Variants in GABRA5 observed in about 807,000 individuals in gnomAD.
GABRA5 encodes gamma-aminobutyric acid receptor subunit alpha-5.
Under a neutral mutation model 47.3 loss-of-function variants are expected in GABRA5, and 18 were observed. The ratio of observed to expected loss-of-function variants is 0.38; its 90% CI spans 0.26 to 0.56. GABRA5 has a LOEUF of 0.56. GABRA5 is among the 20% of genes least tolerant of loss of function. The pLI is 0.71. For synonymous variants in GABRA5, 237 were observed against 229.3 expected, an observed-to-expected ratio of 1.03 and a Z score of -0.30; for missense variants, 365 against 599.3, an observed-to-expected ratio of 0.61 and a Z score of 4.08.
chr15:26,901,350 A>G (rs1893321949), intron 6 of GABRA5, among the ~76,000 whole-genome samples: 1 of 152,126 alleles, frequency 6.6e-6, no homozygotes, highest in Admixed American at 6.6e-5. Flanking sequence ...GATTTCGGCC[A>G]TTTTAGGAGA....
At chr15:26,921,090 T>C (rs1893832686) in intron 7 of GABRA5, among the ~76,000 whole-genome samples, 1 of 152,202 alleles carries the variant, frequency 6.6e-6, no homozygotes, top group African/African-American at 2.4e-5. Context: ...TGCATATATA[T>C]TCATTTTTTA....
At chr15:26,873,645 C>A (rs1269139208) in intron 3 of GABRA5, among the ~76,000 whole-genome samples, 4 of 152,256 alleles carry the variant, frequency 2.6e-5, no homozygotes, top group Non-Finnish European at 5.9e-5. Flanking sequence ...AAAGTACATT[C>A]TCTGAATCAC....
chr15:26,879,783 A>G (rs1287582820), intron 3 of GABRA5, among the ~76,000 whole-genome samples: 1 of 152,156 alleles, frequency 6.6e-6, no homozygotes, highest in Non-Finnish European at 1.5e-5. Context: ...TGGGAGAGAA[A>G]GCACTTTAAG....
chr15:26,913,182 CAAAA>C (rs34449696), intron 6 of GABRA5, among the ~76,000 whole-genome samples: 4 of 115,398 alleles, frequency 3.5e-5, no homozygotes, highest in African/African-American at 6.1e-5. Flanking sequence ...GACTCTGTCT[CAAAA>C]AAAAAAAAAA....
At chr15:26,911,196 G>C (rs1893575542) in intron 6 of GABRA5, among the ~76,000 whole-genome samples, 1 of 151,806 alleles carries the variant, frequency 6.6e-6, no homozygotes, top group South Asian at 2.1e-4. Flanking sequence ...CTATAAAATT[G>C]GGAGAAGTCA....
intron 3 of GABRA5, among the ~76,000 whole-genome samples, chr15:26,878,432 C>T (rs1354709862): frequency 6.6e-6 from 1 of 152,152 alleles, no homozygotes; most frequent in Non-Finnish European, 1.5e-5. Context: ...ATTTCATAAC[C>T]ACGCACTGCA....
chr15:26,917,906 G>A, intron 7 of GABRA5, among the ~76,000 whole-genome samples: 1 of 151,658 alleles, frequency 6.6e-6, no homozygotes, highest in East Asian at 1.9e-4. Context: ...CAGTTGCAAT[G>A]TCTCCTTTTA....
chr15:26,885,938 C>T (rs2140260078), intron 6 of GABRA5, among the ~76,000 whole-genome samples: 1 of 152,310 alleles, frequency 6.6e-6, no homozygotes, highest in Middle Eastern at 3.4e-3. Flanking sequence ...GTTCTTGATT[C>T]TCATCCTAAT....
intron 7 of GABRA5, among the ~76,000 whole-genome samples, chr15:26,929,746 C>A (rs1361199171): frequency 1.3e-5 from 2 of 152,204 alleles, no homozygotes; most frequent in African/African-American, 4.8e-5. Context: ...TAAGGCAGTG[C>A]ACATCAGGGC....
intron 7 of GABRA5, among the ~76,000 whole-genome samples, chr15:26,935,610 C>T (rs1894219110): frequency 6.6e-6 from 1 of 152,224 alleles, no homozygotes; most frequent in East Asian, 1.9e-4. Context: ...ACTGTGCCGT[C>T]CCCAGTCCGA....
chr15:26,930,427 T>C (rs1894073015), intron 7 of GABRA5, among the ~76,000 whole-genome samples: 1 of 152,208 alleles, frequency 6.6e-6, no homozygotes, highest in South Asian at 2.1e-4. Context: ...CCTTAGCCGA[T>C]ATTCAACTCC....
intron 6 of GABRA5, among the ~76,000 whole-genome samples, chr15:26,891,190 C>T (rs925826133): frequency 1.1e-4 from 17 of 152,214 alleles, no homozygotes; most frequent in African/African-American, 3.4e-4. Flanking sequence ...GACCACATCA[C>T]CCTTTGCAAA....
intron 3 of GABRA5, among the ~76,000 whole-genome samples, chr15:26,880,142 T>A (rs1156787869): frequency 6.6e-6 from 1 of 152,202 alleles, no homozygotes; most frequent in Non-Finnish European, 1.5e-5. Context: ...GCTTTTGGAA[T>A]CTGGATAACT....
intron 3 of GABRA5, among the ~76,000 whole-genome samples, chr15:26,871,235 A>C (rs1220108031): frequency 6.6e-6 from 1 of 152,202 alleles, no homozygotes; most frequent in Non-Finnish European, 1.5e-5. Context: ...AAGAAACAAA[A>C]TCTTAGCCAA....
chr15:26,908,717 G>C (rs993419034), intron 6 of GABRA5, among the ~76,000 whole-genome samples: 2 of 152,102 alleles, frequency 1.3e-5, no homozygotes, highest in Non-Finnish European at 2.9e-5. Flanking sequence ...TGAGAGTCAC[G>C]GGTAGCATCT....
Position 26,869,224 on chromosome 15 carries a change from G to C in GABRA5, c.-25G>C. ...AAGAGTTATTCCTCCATATTCACCT[G>C]CTTCAACTACTATTCTTATTGGGAA... is the stretch of plus-strand genomic sequence containing the variant. On this transcript the variant is annotated 5_prime_UTR_variant, in exon 3 of 11. Transcript: ENST00000335625. 7.2e-7 allele frequency: 1 copy of C among 1,391,084 alleles called. No homozygotes were observed. Among genetic ancestry groups the C allele is most frequent in the Non-Finnish European group, 1.0e-6 (1 of 976,590 alleles). The allele number at this position is 1,391,084 out of a possible 1,614,324, so 86.2% of individuals were successfully genotyped here.
intron 9 of GABRA5, 148 bp downstream of exon 9, chr15:26,940,225 T>C (rs1315554056): frequency 1.5e-6 from 1 of 679,042 alleles, no homozygotes; most frequent in Non-Finnish European, 2.5e-6. Context: ...AATTAAGAAT[T>C]TAATGTTAAG....
intron 6 of GABRA5, among the ~76,000 whole-genome samples, chr15:26,885,578 G>A (rs955146752): frequency 3.3e-5 from 5 of 152,142 alleles, no homozygotes; most frequent in Non-Finnish European, 7.3e-5. Context: ...GTCTTTCCTC[G>A]CATTGATCTT....
In GABRA5 at chr15:26,883,520, C is replaced by A. The variant is rs866557200; in HGVS notation, c.460C>A (p.Arg154=). 2 of 1,525,604 alleles carry A rather than the reference C, an allele frequency of 1.3e-6. No homozygotes were observed. Among genetic ancestry groups the A allele is most frequent in the South Asian group, 2.2e-5 (2 of 89,134 alleles). 94.5% of individuals were successfully genotyped at this position (1,525,604 alleles called of 1,614,324 possible). ...CATGACCACGCCCAACAAGCTGCTG[C>A]GGCTGGAGGACGACGGCACCCTGCT... The part of the protein sequence containing the change: ...HNMTTPNKLL[R]LEDDGTLLYT... Residue 154 remains arginine (R), a synonymous_variant, in exon 6 of 11, where the codon CGG becomes AGG. Coordinates refer to ENST00000335625, the MANE Select transcript of GABRA5 (RefSeq NM_000810.4). This position sits in a 1 kb window ranked among gnomAD's most constrained non-coding sequence, Gnocchi z 4.8.
Sources: gnomAD v4.1 joint callset for allele counts (sites outside exome capture counted in the v4.1 genomes callset) on GRCh38, gnomAD v4.1.1 for gene constraint, Gnocchi (gnomAD v3.1) non-coding constraint, MANE v1.5 for transcripts, NCBI Gene and HGNC (gene_info 2026-07-23, HGNC 2026-07-21) for gene names.